Variants in TNR observed in about 807,000 individuals in gnomAD.
TNR encodes tenascin R.
A neutral mutation model predicts 150.4 loss-of-function variants in TNR; 45 were observed. The ratio of observed to expected loss-of-function variants is 0.30; its 90% CI spans 0.24 to 0.38. The LOEUF (loss-of-function observed/expected upper bound fraction) is 0.38, where lower values mean the gene tolerates loss of function less well. Among genes scored for constraint, TNR ranks in the 10% least tolerant of loss-of-function variants. The probability of loss-of-function intolerance (pLI) is 1.00; values close to 1 mark genes in which losing one functional copy is unlikely to be tolerated. For missense variants in TNR, 1,544 were observed against 1,759.1 expected, an observed-to-expected ratio of 0.88 and a Z score of 2.19; for synonymous variants, 687 against 678.4, an observed-to-expected ratio of 1.01 and a Z score of -0.20.
chr1:175,459,192 TCAC>T (rs1421966893), intron 2 of TNR, among the ~76,000 whole-genome samples: 1 of 149,932 alleles, frequency 6.7e-6, no homozygotes, highest in East Asian at 2.0e-4. Context: ...ATTGCCATTA[TCAC>T]CACCACCATC....
At chr1:175,601,647 C>T (rs1339033699) in intron 1 of TNR, among the ~76,000 whole-genome samples, 1 of 152,162 alleles carries the variant, frequency 6.6e-6, no homozygotes, top group Non-Finnish European at 1.5e-5. Flanking sequence ...GAAACAGATT[C>T]AACTAAGAGT....
chr1:175,330,998 A>ATTCTTCCTTTCT (rs1649723365), intron 20 of TNR, among the ~76,000 whole-genome samples: 4 of 72,768 alleles, frequency 5.5e-5, no homozygotes. Flanking sequence ...CCTCTTGGTG[A>ATTCTTCCTTTCT]TTCTTTCTTT....
intron 1 of TNR, among the ~76,000 whole-genome samples, chr1:175,583,806 T>A (rs981258413): frequency 4.6e-5 from 7 of 152,156 alleles, no homozygotes; most frequent in Non-Finnish European, 1.0e-4. Flanking sequence ...CATCTCCAGT[T>A]GAGATAGTTC....
intron 21 of TNR, among the ~76,000 whole-genome samples, chr1:175,326,957 C>G (rs1444145916): frequency 6.6e-6 from 1 of 151,596 alleles, no homozygotes; most frequent in Non-Finnish European, 1.5e-5. Flanking sequence ...TGAGCCCAGC[C>G]CTTTTACTTC....
At chr1:175,586,996 T>C (rs1662602376) in intron 1 of TNR, among the ~76,000 whole-genome samples, 1 of 152,250 alleles carries the variant, frequency 6.6e-6, no homozygotes, top group South Asian at 2.1e-4. Flanking sequence ...GAAATAATTT[T>C]ATATATGGCT....
intron 1 of TNR, among the ~76,000 whole-genome samples, chr1:175,614,832 C>G (rs764181614): frequency 6.6e-6 from 1 of 152,238 alleles, no homozygotes; most frequent in Non-Finnish European, 1.5e-5. Context: ...AGAGACGTCT[C>G]AGCACTCAGG....
chr1:175,419,648 A>C (rs1191181055), intron 2 of TNR, among the ~76,000 whole-genome samples: 2 of 151,098 alleles, frequency 1.3e-5, no homozygotes, highest in Non-Finnish European at 2.9e-5. Context: ...CGCCCGGCTA[A>C]TTTTTATATT....
chr1:175,384,274 G>T (rs1652821710), intron 8 of TNR, among the ~76,000 whole-genome samples: 2 of 152,220 alleles, frequency 1.3e-5, no homozygotes, highest in African/African-American at 4.8e-5. Flanking sequence ...GAAATGAGAA[G>T]CTGACCTAGA....
intron 18 of TNR, among the ~76,000 whole-genome samples, chr1:175,338,795 G>A (rs928914953): frequency 6.6e-6 from 1 of 152,144 alleles, no homozygotes; most frequent in Non-Finnish European, 1.5e-5. Flanking sequence ...TGAAAACCCT[G>A]AGCACCTAAG....
intron 17 of TNR, among the ~76,000 whole-genome samples, chr1:175,355,236 A>G (rs895116295): frequency 1.4e-4 from 21 of 152,200 alleles, no homozygotes; most frequent in African/African-American, 5.1e-4. Context: ...TAGAGAAGAA[A>G]GCAAGCCTTG....
rs529549084 is a variant in TNR, at chr1:175,568,169, A to G, written c.-164-39800T>C. The stretch of plus-strand genomic sequence containing the variant: ...CACTCAGGTCCAGCTGTGGACAGGC[A>G]GGTGCCCATTCAAGGACTGCTTTTC... On this transcript the variant is annotated intron_variant, in intron 1 of 22. Coordinates refer to ENST00000367674, the MANE Select transcript of TNR (RefSeq NM_003285.3). 8.7e-4 allele frequency among the ~76,000 whole-genome samples: 133 copies of G among 152,338 alleles called. No homozygotes were observed. The South Asian group carries it at 0.016, about 18-fold the overall frequency.
Position 175,403,566 on chromosome 1 carries a change from C to G in TNR, c.550G>C (p.Glu184Gln). 6.2e-7 allele frequency: 1 copy of G among 1,614,138 alleles called. No homozygotes were observed. Among genetic ancestry groups the G allele is most frequent in the Non-Finnish European group, 8.5e-7 (1 of 1,180,036 alleles). The change falls in exon 4 of 23, where the codon GAG becomes CAG. Residue 184 changes from glutamate to glutamine, a missense_variant. Transcript: ENST00000367674. ...TCGTTGCAGATGCAGCCACAGGACT[C>G]AAAGCTAAAGTTGCCGTGGCCACTG... ...HCSGHGNFSF[E>Q]SCGCICNEGW...
chr1:175,323,705 G>C (rs750493334), intron 22 of TNR, among the ~76,000 whole-genome samples: 5 of 152,206 alleles, frequency 3.3e-5, no homozygotes, highest in Non-Finnish European at 7.4e-5. Flanking sequence ...ACATGTTGCA[G>C]GTCATTCCTT....
At chr1:175,677,524 C>A (rs1045088661) in intron 1 of TNR, among the ~76,000 whole-genome samples, 4 of 152,192 alleles carry the variant, frequency 2.6e-5, no homozygotes, top group African/African-American at 9.7e-5. Flanking sequence ...AGCAGAGACC[C>A]TTTCACAACA....
chr1:175,426,565 A>G (rs1654976227), intron 2 of TNR, among the ~76,000 whole-genome samples: 1 of 152,072 alleles, frequency 6.6e-6, no homozygotes, highest in Non-Finnish European at 1.5e-5. Context: ...CCCTAGTCAG[A>G]TACAAATCAT....
intron 1 of TNR, among the ~76,000 whole-genome samples, chr1:175,611,718 A>G (rs900561550): frequency 5.3e-5 from 8 of 152,144 alleles, no homozygotes; most frequent in African/African-American, 1.9e-4. Flanking sequence ...CACTAGCTAA[A>G]CAAGTGCCTA....
chr1:175,517,041 GAGAGAGAGAGAGAGAGAA>G (rs1484205998), intron 2 of TNR, among the ~76,000 whole-genome samples: 20 of 150,798 alleles, frequency 1.3e-4, no homozygotes, highest in African/African-American at 4.7e-4. Flanking sequence ...GAGAGAGAGA[GAGAGAGAGAGAGAGAGAA>G]AGAGAGAGAG....
intron 1 of TNR, among the ~76,000 whole-genome samples, chr1:175,678,630 G>C (rs914430951): frequency 6.6e-6 from 1 of 152,186 alleles, no homozygotes; most frequent in Non-Finnish European, 1.5e-5. Flanking sequence ...TCTGGGAGTA[G>C]GCTAGCTTGC....
intron 1 of TNR, among the ~76,000 whole-genome samples, chr1:175,598,198 C>T (rs1558030170): frequency 6.6e-6 from 1 of 152,180 alleles, no homozygotes; most frequent in Admixed American, 6.5e-5. Flanking sequence ...GAACTTCCCT[C>T]AGGAAGTAAA....
Sources: allele counts gnomAD v4.1 joint callset (sites outside exome capture counted in the v4.1 genomes callset), GRCh38; gene constraint gnomAD v4.1.1; transcripts MANE v1.5; gene names NCBI Gene and HGNC (gene_info 2026-07-23, HGNC 2026-07-21).